Variants in UGDH observed in about 807,000 individuals in gnomAD.
UGDH encodes the protein UDP-Glc dehydrogenase.
Under a neutral mutation model 50.6 loss-of-function variants are expected in UGDH, and 38 were observed. The observed-to-expected ratio is 0.75, with a 90% CI of 0.58 to 0.98. The LOEUF (loss-of-function observed/expected upper bound fraction) is 0.98, where lower values mean the gene tolerates loss of function less well. Ranked by LOEUF, UGDH falls within the 50% of genes least tolerant of loss-of-function variation. The probability of loss-of-function intolerance (pLI) is 0.00; values close to 1 mark genes in which losing one functional copy is unlikely to be tolerated. For synonymous variants in UGDH, 168 were observed against 199.9 expected, an observed-to-expected ratio of 0.84 and a Z score of 1.35; for missense variants, 465 against 606.2, an observed-to-expected ratio of 0.77 and a Z score of 2.45.
intron 3 of UGDH, among the ~76,000 whole-genome samples, chr4:39,511,772 C>T (rs374558885): frequency 3.2e-4 from 47 of 147,738 alleles, no homozygotes; most frequent in African/African-American, 1.1e-3. Flanking sequence ...TGCAGTGGCG[C>T]GATCTCGGAT....
chr4:39,506,409 C>T (rs1301521804), intron 7 of UGDH, among the ~76,000 whole-genome samples: 4 of 152,110 alleles, frequency 2.6e-5, no homozygotes, highest in Non-Finnish European at 5.9e-5. Context: ...CCATACTATC[C>T]TTAGTCCGTG....
At position 39,521,494 on chromosome 4, in the gene UGDH, T is replaced by C; in HGVS notation, c.19A>G (p.Ile7Val). The C allele has an allele frequency of 6.3e-7, 1 of 1,599,286 alleles. No homozygotes were observed. The highest frequency in any genetic ancestry group is 8.5e-7 in the Non-Finnish European group (1 of 1,173,790). The change falls in exon 2 of 12, where the codon ATC (isoleucine) becomes GTC (valine). Residue 7 changes from isoleucine to valine, a missense_variant. By Grantham distance (29) the Ile-to-Val change is conservative. Coordinates refer to ENST00000316423, the MANE Select transcript of UGDH (RefSeq NM_003359.4). ...ACATAGCCTGCACCGATGCAACAGATCTTCTTAATTTCAAACATGATTGTA... is the reference window on the plus strand; with the variant it reads ...ACATAGCCTGCACCGATGCAACAGACCTTCTTAATTTCAAACATGATTGTA... MFEIKKICCIGAGYVGG... is the reference protein window; with the variant it reads MFEIKKVCCIGAGYVGG...
chr4:39,504,333 AAC>A (rs2109919227), intron 10 of UGDH, 82 bp downstream of exon 10: 1 of 1,297,250 alleles, frequency 7.7e-7, no homozygotes, highest in Admixed American at 2.2e-5. Context: ...AAAACAAAAA[AAC>A]ACATACATGA....
intron 9 of UGDH, 68 bp downstream of exon 9, chr4:39,505,168 TA>T: frequency 6.6e-7 from 1 of 1,505,864 alleles, no homozygotes; most frequent in Non-Finnish European, 8.9e-7. Context: ...CTGAACAACC[TA>T]AGGTTTCCAA....
intron 6 of UGDH, 109 bp from the exon 7 acceptor site, chr4:39,508,769 T>C: frequency 1.1e-6 from 1 of 939,124 alleles, no homozygotes; most frequent in Admixed American, 3.3e-5. Context: ...GATTTTTTAA[T>C]AATAAAATTC....
At chr4:39,500,303 A>G (rs1377521948) in intron 11 of UGDH, 50 bp from the exon 12 acceptor site, 7 of 1,191,530 alleles carry the variant, frequency 5.9e-6, no homozygotes, top group Non-Finnish European at 8.3e-6. Flanking sequence ...ATATAAGTGT[A>G]AGAATTTATA....
chr4:39,507,985 A>G (rs914374886), intron 7 of UGDH, among the ~76,000 whole-genome samples: 2 of 151,772 alleles, frequency 1.3e-5, no homozygotes, highest in African/African-American at 4.8e-5. Flanking sequence ...ATAATTAAGG[A>G]TAATTGTTTT....
chr4:39,521,788 A>G (rs1424328237), intron 1 of UGDH, among the ~76,000 whole-genome samples: 2 of 152,238 alleles, frequency 1.3e-5, no homozygotes, highest in Non-Finnish European at 2.9e-5. Context: ...CAAAGATTAT[A>G]ATGACCTAAT....
rs1014180578 is a variant in UGDH at position 39,527,376 on chromosome 4, C to T, written c.-101G>A. On this transcript the variant is annotated 5_prime_UTR_variant, in exon 1 of 12. Transcript: ENST00000316423. Reference sequence around the variant, plus strand: ...CGCGCCGCCGCAGCTTCTCCACCCGCGCCCCGCTCGATCTGAGCTCCCTCT... The same window carrying T: ...CGCGCCGCCGCAGCTTCTCCACCCGTGCCCCGCTCGATCTGAGCTCCCTCT... The T allele has an allele frequency of 5.5e-5, 14 of 256,840 alleles. No homozygotes were observed. Among genetic ancestry groups the T allele is most frequent in the Non-Finnish European group, 7.1e-5 (9 of 126,420 alleles). The allele number at this position is 256,840 out of a possible 1,614,324, so 15.9% of individuals were successfully genotyped here.
chr4:39,500,642 A>G (rs1395009178), intron 11 of UGDH, among the ~76,000 whole-genome samples: 1 of 145,488 alleles, frequency 6.9e-6, no homozygotes, highest in East Asian at 2.1e-4. Context: ...AAAAGCTAAC[A>G]GCATAATTCT....
intron 7 of UGDH, among the ~76,000 whole-genome samples, chr4:39,507,009 T>A (rs2109923808): frequency 6.6e-6 from 1 of 152,270 alleles, no homozygotes; most frequent in Admixed American, 6.5e-5. Context: ...TAAAACATTT[T>A]AAAAAAAGAA....
rs748973461 is a variant in UGDH, at chr4:39,503,846, GAA to G, written c.1374+27_1374+28del. The stretch of plus-strand genomic sequence containing the variant: ...TCAAACACTAAAGACCAAACAAAAA[GAA>G]AAAAAACAATCCAGGATCATGATTA... On this transcript the variant is annotated intron_variant, in intron 11 of 11. Transcript: ENST00000316423. 4.4e-6 allele frequency: 7 copies of G among 1,597,062 alleles called. No homozygotes were observed. The East Asian group carries it at 1.6e-4, about 36-fold the overall frequency.
intron 11 of UGDH, among the ~76,000 whole-genome samples, chr4:39,502,949 C>T (rs71606175): frequency 0.11 from 16,941 of 152,024 alleles, 1,271 homozygotes; most frequent in East Asian, 0.24. Context: ...CGGAGTCTTG[C>T]TCTGTCACCC....
chr4:39,513,967 A>G (rs1280962510), intron 3 of UGDH, 116 bp downstream of exon 3: 2 of 840,374 alleles, frequency 2.4e-6, no homozygotes, highest in Non-Finnish European at 3.7e-6. Flanking sequence ...TCACCGGACA[A>G]CTCTATACTA....
At chr4:39,523,052 C>T (rs1471930413) in intron 1 of UGDH, among the ~76,000 whole-genome samples, 4 of 151,806 alleles carry the variant, frequency 2.6e-5, no homozygotes, top group African/African-American at 7.3e-5. Flanking sequence ...TGAGCCACCA[C>T]GGTATTTATT....
Position 39,513,980 on chromosome 4 carries a change from C to T in UGDH, c.264+103G>A, listed in dbSNP as rs1205412404. 23 of 953,734 alleles carry T rather than the reference C, an allele frequency of 2.4e-5. 1 individual carries two copies. Among genetic ancestry groups the T allele is most frequent in the Non-Finnish European group, 3.2e-5 (20 of 630,740 alleles). 59.1% of individuals were successfully genotyped at this position (953,734 alleles called of 1,614,324 possible). On this transcript the variant is annotated intron_variant, in intron 3 of 11. Transcript: ENST00000316423. ...ATTCACCGGACAACTCTATACTAAG[C>T]AATGTTGAGGCTTAATACCAATGGA...
chr4:39,503,738 T>C (rs1002879063), intron 11 of UGDH, 137 bp downstream of exon 11: 3 of 639,496 alleles, frequency 4.7e-6, no homozygotes, highest in African/African-American at 3.8e-5. Flanking sequence ...GAAGGTATCA[T>C]CTTAATTAGC....
intron 2 of UGDH, among the ~76,000 whole-genome samples, chr4:39,517,345 G>A (rs1253830169): frequency 7.2e-5 from 11 of 151,738 alleles, no homozygotes; most frequent in Non-Finnish European, 1.5e-4. Context: ...TGGGATTACA[G>A]GCGCGAGCCA....
chr4:39,502,741 T>C (rs139222141), intron 11 of UGDH, among the ~76,000 whole-genome samples: 60 of 152,280 alleles, frequency 3.9e-4, no homozygotes, highest in African/African-American at 1.2e-3. Flanking sequence ...TGTTCCATAA[T>C]TGACAAACTG....
Sources: allele counts gnomAD v4.1 joint callset (sites outside exome capture counted in the v4.1 genomes callset), GRCh38; gene constraint gnomAD v4.1.1; transcripts MANE v1.5; gene names NCBI Gene and HGNC (gene_info 2026-07-23, HGNC 2026-07-21).